The following PCNX1 variants were observed in gnomAD, a reference collection of about 807,000 sequenced individuals.
PCNX1 encodes the protein pecanex-like protein 1.
PCNX1 carries 78 observed loss-of-function variants against 242.2 expected under a neutral mutation model. The ratio of observed to expected loss-of-function variants is 0.32; its 90% CI spans 0.27 to 0.39. The LOEUF is 0.39. PCNX1 is among the 10% of genes least tolerant of loss of function. PCNX1 has a pLI of 1.00. For synonymous variants in PCNX1, 1,024 were observed against 1,032.9 expected (o/e 0.99, Z 0.17); for missense variants, 2,581 against 2,856.5 (o/e 0.90, Z 2.20).
At chr14:71,088,527 T>C in intron 29 of PCNX1, 97 bp downstream of exon 29, 1 of 659,536 alleles carries the variant, frequency 1.5e-6, no homozygotes, top group Admixed American at 2.5e-5. Context: ...TCTATGCTAA[T>C]TTATTGTAAA....
intron 1 of PCNX1, among the ~76,000 whole-genome samples, chr14:70,922,455 A>G (rs1419819742): frequency 3.3e-5 from 5 of 152,164 alleles, no homozygotes; most frequent in African/African-American, 1.2e-4. Flanking sequence ...TGTGAATACT[A>G]TATATTTTAA....
At chr14:70,976,121 T>C (rs955285969) in intron 5 of PCNX1, among the ~76,000 whole-genome samples, 8 of 152,174 alleles carry the variant, frequency 5.3e-5, no homozygotes, top group Non-Finnish European at 1.2e-4. Flanking sequence ...GATTTTAATA[T>C]TGTGTTAGTA....
chr14:71,017,116 A>C (rs1226537150), intron 11 of PCNX1, among the ~76,000 whole-genome samples: 1 of 152,246 alleles, frequency 6.6e-6, no homozygotes, highest in African/African-American at 2.4e-5. Context: ...ATATGCAAAT[A>C]AGTTCAACAT....
chr14:71,039,179 AACCTGCACAATGTGCAC>A (rs1470337638), intron 19 of PCNX1, among the ~76,000 whole-genome samples: 1 of 152,100 alleles, frequency 6.6e-6, no homozygotes, highest in Admixed American at 6.6e-5. Flanking sequence ...GTATGTAACT[AACCTGCACAATGTGCAC>A]ACGTACCCTA....
intron 5 of PCNX1, 136 bp from the exon 6 acceptor site, chr14:70,976,806 A>AGC (rs1435554324): frequency 1.4e-6 from 1 of 720,592 alleles, no homozygotes; most frequent in Non-Finnish European, 2.3e-6. Flanking sequence ...TGAAACAGAA[A>AGC]GCAGCTCTTT....
intron 3 of PCNX1, among the ~76,000 whole-genome samples, chr14:70,966,245 T>C (rs1352105352): frequency 1.3e-5 from 2 of 152,198 alleles, no homozygotes; most frequent in African/African-American, 2.4e-5. Context: ...TTAAGAATGT[T>C]TTTGTCAACA....
intron 18 of PCNX1, 136 bp from the exon 19 acceptor site, chr14:71,035,929 C>G: frequency 4.2e-6 from 2 of 477,362 alleles, no homozygotes; most frequent in Non-Finnish European, 7.4e-6. Context: ...ATGAAAACTT[C>G]TTTTTTTTTT....
chr14:70,964,295 G>A (rs1336313147), intron 3 of PCNX1, among the ~76,000 whole-genome samples: 4 of 152,110 alleles, frequency 2.6e-5, no homozygotes, highest in African/African-American at 9.7e-5. Context: ...TCGAACTCCT[G>A]ACCTCAGGTG....
chr14:71,097,006 C>T lies in PCNX1; in HGVS notation c.5590-4984C>T, dbSNP rs28552942. ...TGTACCTCCCTCCTCCTCCCCACCC[C>T]GCACCGGCATCTCCTACCCAGGCAG... is the stretch of plus-strand genomic sequence containing the variant. On this transcript the variant is annotated intron_variant, in intron 30 of 35. Transcript: ENST00000304743. Among the ~76,000 whole-genome samples the T allele has an allele frequency of 8.4e-3, 1,284 of 152,214 alleles. 10 individuals carry two copies. Among genetic ancestry groups the T allele is most frequent in the African/African-American group, 0.029 (1,201 of 41,510 alleles).
intron 30 of PCNX1, among the ~76,000 whole-genome samples, chr14:71,098,547 TGTGTGTGA>T (rs1287173753): frequency 4.0e-5 from 5 of 126,108 alleles, no homozygotes; most frequent in Admixed American, 1.6e-4. Context: ...TGTGTGTGTG[TGTGTGTGA>T]GAGAGAGAGA....
At chr14:70,911,925 A>G (rs10137675) in intron 1 of PCNX1, among the ~76,000 whole-genome samples, 15,546 of 152,162 alleles carry the variant, frequency 0.1, 925 homozygotes, top group Admixed American at 0.17. Flanking sequence ...CTGTAAAGCA[A>G]TATATCCCTA....
At chr14:70,912,974 G>T (rs2055990917) in intron 1 of PCNX1, among the ~76,000 whole-genome samples, 1 of 152,216 alleles carries the variant, frequency 6.6e-6, no homozygotes, top group South Asian at 2.1e-4. Context: ...CCCTCACAGA[G>T]GCTGAGCCTG....
chr14:71,065,790 A>G (rs982626879), intron 26 of PCNX1, among the ~76,000 whole-genome samples: 4 of 152,178 alleles, frequency 2.6e-5, no homozygotes, highest in Non-Finnish European at 5.9e-5. Context: ...TAATTTTTGT[A>G]TAAGGTGTAA....
At chr14:70,999,332 C>CCTGT (rs1352255836) in intron 8 of PCNX1, among the ~76,000 whole-genome samples, 1 of 152,024 alleles carries the variant, frequency 6.6e-6, no homozygotes, top group Non-Finnish European at 1.5e-5. Context: ...GGAAACATTG[C>CCTGT]CTGTGGTTTT....
intron 3 of PCNX1, among the ~76,000 whole-genome samples, chr14:70,963,510 T>C (rs1172297639): frequency 6.6e-6 from 1 of 152,210 alleles, no homozygotes; most frequent in East Asian, 1.9e-4. Context: ...TGTAGTATTC[T>C]ACTCTTCTGC....
chr14:71,062,732 G>C (rs1408858210), intron 26 of PCNX1, among the ~76,000 whole-genome samples: 5 of 152,120 alleles, frequency 3.3e-5, no homozygotes, highest in Admixed American at 2.6e-4. Flanking sequence ...GTCTACAGTA[G>C]TGTACAGTAA....
intron 13 of PCNX1, among the ~76,000 whole-genome samples, chr14:71,024,382 C>T: frequency 6.6e-6 from 1 of 152,080 alleles, no homozygotes; most frequent in East Asian, 1.9e-4. Flanking sequence ...TCTTAAATCT[C>T]CTTTAATCTG....
At chr14:70,915,140 CTG>C (rs1055572413) in intron 1 of PCNX1, among the ~76,000 whole-genome samples, 28 of 152,188 alleles carry the variant, frequency 1.8e-4, no homozygotes, top group African/African-American at 4.1e-4. Flanking sequence ...CTTTGTATGA[CTG>C]TGCTACAGTT....
chr14:71,111,741 T>C lies in PCNX1; in HGVS notation c.*1806T>C, dbSNP rs1328287136. 6.6e-6 allele frequency: 1 copy of C among 152,170 alleles called. No homozygotes were observed. Among genetic ancestry groups the C allele is most frequent in the Non-Finnish European group, 1.5e-5 (1 of 67,968 alleles). 9.4% of individuals were successfully genotyped at this position (152,170 alleles called of 1,614,324 possible). A position where few individuals can be genotyped will look rare whatever the true frequency, so the allele number is the denominator to read the frequency against. ...CCCTTTTTCTAATTTTAAACTTTTGTGGTCATTCAGAACCTAATGTGCCTT... is the reference window on the plus strand; with the variant it reads ...CCCTTTTTCTAATTTTAAACTTTTGCGGTCATTCAGAACCTAATGTGCCTT... On this transcript the variant is annotated 3_prime_UTR_variant, in exon 36 of 36. Transcript: ENST00000304743.
Sources: allele counts gnomAD v4.1 joint callset (sites outside exome capture counted in the v4.1 genomes callset), GRCh38; gene constraint gnomAD v4.1.1; transcripts MANE v1.5; gene names NCBI Gene and HGNC (gene_info 2026-07-23, HGNC 2026-07-21).